Variants in ATF7IP2 observed in about 807,000 individuals in gnomAD.
ATF7IP2 encodes activating transcription factor 7-interacting protein 2.
In ATF7IP2, 42 loss-of-function variants were observed where a neutral mutation model predicts 64.2. The ratio of observed to expected loss-of-function variants is 0.65; its 90% CI spans 0.51 to 0.85. ATF7IP2 has a LOEUF of 0.85. Among genes scored for constraint, ATF7IP2 ranks in the 40% least tolerant of loss-of-function variants. The probability of loss-of-function intolerance (pLI) is 0.00; values close to 1 mark genes in which losing one functional copy is unlikely to be tolerated. For synonymous variants in ATF7IP2, 308 were observed against 272.8 expected, an observed-to-expected ratio of 1.13 and a Z score of -1.27; for missense variants, 933 against 784.2, an observed-to-expected ratio of 1.19 and a Z score of -2.27.
chr16:10,424,816 A>C (rs1055168269), intron 3 of ATF7IP2, among the ~76,000 whole-genome samples: 4 of 152,242 alleles, frequency 2.6e-5, no homozygotes, highest in East Asian at 3.8e-4. Context: ...CAGGATGACT[A>C]TACTAAGACA....
intron 6 of ATF7IP2, among the ~76,000 whole-genome samples, chr16:10,435,609 G>A (rs932391768): frequency 6.6e-6 from 1 of 152,176 alleles, no homozygotes; most frequent in Admixed American, 6.5e-5. Flanking sequence ...GTTGCCCCAT[G>A]GTGGGTACTT....
chr16:10,423,192 C>G (rs955214676), intron 3 of ATF7IP2, among the ~76,000 whole-genome samples: 1 of 151,874 alleles, frequency 6.6e-6, no homozygotes, highest in Non-Finnish European at 1.5e-5. Flanking sequence ...GGCAGTGAGC[C>G]GAGACCACAC....
Position 10,481,921 on chromosome 16 carries a change from T to A in ATF7IP2, c.1721T>A (p.Leu574His). 1 of 1,614,012 alleles carries A rather than the reference T, an allele frequency of 6.2e-7. No homozygotes were observed. Among genetic ancestry groups the A allele is most frequent in the East Asian group, 2.2e-5 (1 of 44,874 alleles). ...PELVDKTRDT[L>H]PPQKPELKVK... ...TTAGTAGACAAAACCCGAGACACAC[T>A]TCCTCCCCAGAAGCCTGAGCTCAAA... is the stretch of plus-strand genomic sequence containing the variant. The change falls in exon 14 of 14, where the codon CTT becomes CAT. Residue 574 changes from leucine to histidine, a missense_variant. Leu to His is a moderately conservative substitution (Grantham distance 99). Transcript: ENST00000562102.
At chr16:10,397,557 G>A (rs898663911) in intron 1 of ATF7IP2, among the ~76,000 whole-genome samples, 8 of 152,218 alleles carry the variant, frequency 5.3e-5, no homozygotes, top group African/African-American at 1.9e-4. Context: ...TGGCATTCCA[G>A]CCTGGGCCAC....
chr16:10,465,726 G>A (rs896716570), intron 9 of ATF7IP2, among the ~76,000 whole-genome samples: 4 of 148,790 alleles, frequency 2.7e-5, no homozygotes, highest in Non-Finnish European at 4.5e-5. Flanking sequence ...GCAACAGAAC[G>A]AGACTCCGGC....
chr16:10,439,395 C>G (rs992397535), intron 7 of ATF7IP2, among the ~76,000 whole-genome samples: 5 of 151,936 alleles, frequency 3.3e-5, no homozygotes, highest in African/African-American at 9.6e-5. Context: ...GCCACCGTGC[C>G]CGGCTAATTT....
intron 4 of ATF7IP2, among the ~76,000 whole-genome samples, chr16:10,429,695 G>GTTTTA (rs55705185): frequency 0.45 from 62,665 of 138,170 alleles, 15,130 homozygotes; most frequent in South Asian, 0.55. Flanking sequence ...CTTAGTGCTG[G>GTTTTA]TTTTATTTTA....
intron 8 of ATF7IP2, among the ~76,000 whole-genome samples, chr16:10,450,426 C>T (rs540228359): frequency 6.6e-6 from 1 of 152,258 alleles, no homozygotes; most frequent in East Asian, 1.9e-4. Context: ...GTTAAAGTCT[C>T]CCACTATTAC....
At chr16:10,476,411 T>G (rs2142091057) in intron 12 of ATF7IP2, among the ~76,000 whole-genome samples, 1 of 152,322 alleles carries the variant, frequency 6.6e-6, no homozygotes, top group South Asian at 2.1e-4. Flanking sequence ...TCTGGGATTT[T>G]TAGCTACCCA....
intron 1 of ATF7IP2, among the ~76,000 whole-genome samples, chr16:10,389,486 GAGTGCTCCCCGTCC>G (rs1567418891): frequency 6.6e-6 from 1 of 152,074 alleles, no homozygotes; most frequent in African/African-American, 2.4e-5. Flanking sequence ...TTGGAACTGT[GAGTGCTCCCCGTCC>G]AGTGTTACCA....
At chr16:10,431,508 T>G in intron 5 of ATF7IP2, 53 bp downstream of exon 5, 2 of 1,261,246 alleles carry the variant, frequency 1.6e-6, no homozygotes, top group Non-Finnish European at 2.2e-6. Flanking sequence ...CACTTTTCTT[T>G]AGGGTATTTT....
intron 1 of ATF7IP2, among the ~76,000 whole-genome samples, chr16:10,406,354 C>CCT (rs1567430789): frequency 6.6e-6 from 1 of 152,050 alleles, no homozygotes; most frequent in African/African-American, 2.4e-5. Flanking sequence ...TGTCCACTTG[C>CCT]CTCAGCCTTC....
chr16:10,395,177 G>C (rs985848365), intron 1 of ATF7IP2, among the ~76,000 whole-genome samples: 8 of 151,838 alleles, frequency 5.3e-5, no homozygotes, highest in African/African-American at 1.9e-4. Context: ...AAAATTATAA[G>C]GGAATACTAT....
At chr16:10,471,550 TA>T (rs895518694) in intron 9 of ATF7IP2, among the ~76,000 whole-genome samples, 16 of 150,026 alleles carry the variant, frequency 1.1e-4, no homozygotes, top group African/African-American at 3.7e-4. Flanking sequence ...AAGTCGCTCA[TA>T]AAAAAAAAGG....
At chr16:10,447,541 A>G (rs983565073) in intron 8 of ATF7IP2, 1 of 152,216 alleles carries the variant, frequency 6.6e-6, no homozygotes, top group African/African-American at 2.4e-5. Flanking sequence ...GTCAGTCACA[A>G]TCACAAGAGC....
At chr16:10,471,988 C>G (rs879686792) in intron 9 of ATF7IP2, 122 bp from the exon 10 acceptor site, 3 of 453,478 alleles carry the variant, frequency 6.6e-6, no homozygotes, top group Admixed American at 8.1e-5. Context: ...TATTTCCCCC[C>G]ACGATTGTTC....
chr16:10,413,972 C>T (rs2047820981), intron 1 of ATF7IP2, among the ~76,000 whole-genome samples: 1 of 152,098 alleles, frequency 6.6e-6, no homozygotes, highest in South Asian at 2.1e-4. Flanking sequence ...ATAGGTTTTC[C>T]TTTATAGATT....
At chr16:10,443,759 A>G (rs1417110287) in intron 8 of ATF7IP2, among the ~76,000 whole-genome samples, 1 of 152,184 alleles carries the variant, frequency 6.6e-6, no homozygotes, top group African/African-American at 2.4e-5. Flanking sequence ...GGTCCCTTCC[A>G]GCAACATTGG....
Position 10,482,126 on chromosome 16 carries a change from T to C in ATF7IP2, c.1926T>C (p.Thr642=), listed in dbSNP as rs763442928. The C allele has an allele frequency of 6.2e-7, 1 of 1,614,108 alleles. No individual in the cohort carries two copies. The highest frequency in any genetic ancestry group is 1.1e-5 in the South Asian group (1 of 91,080). Reference sequence around the variant, plus strand: ...CTTTACCACTCCCCATGGCCTGTACTTTATCTCAGTTTTTAGCTTCCAACA... The same window carrying C: ...CTTTACCACTCCCCATGGCCTGTACCTTATCTCAGTTTTTAGCTTCCAACA... ...IKALPLPMAC[T]LSQFLASNRY... The change falls in exon 14 of 14, where the codon ACT becomes ACC. Residue 642 remains threonine, a synonymous_variant. Coordinates refer to ENST00000562102, the MANE Select transcript of ATF7IP2 (RefSeq NM_001393719.1).
Sources: allele counts gnomAD v4.1 joint callset (sites outside exome capture counted in the v4.1 genomes callset), GRCh38; gene constraint gnomAD v4.1.1; transcripts MANE v1.5; gene names NCBI Gene and HGNC (gene_info 2026-07-23, HGNC 2026-07-21).